C1orf162: variants seen among roughly 807,000 people sequenced by gnomAD.
C1orf162 encodes the protein chromosome 1 open reading frame 162.
A neutral mutation model predicts 11.4 loss-of-function variants in C1orf162; 10 were observed. That is an observed-to-expected ratio of 0.88 (90% CI 0.54 to 1.48). C1orf162 has a LOEUF of 1.48. Ranked by LOEUF, C1orf162 falls within the 40% of genes most tolerant of loss-of-function variation. The pLI, the probability that C1orf162 is intolerant of heterozygous loss-of-function variation, is 0.00. For missense variants in C1orf162, 140 were observed against 149.5 expected, an observed-to-expected ratio of 0.94 and a Z score of 0.33; for synonymous variants, 53 against 55.0, an observed-to-expected ratio of 0.96 and a Z score of 0.16.
chr1:111,477,070 A>G, intron 3 of C1orf162: 1 of 656,454 alleles, frequency 1.5e-6, no homozygotes, highest in Non-Finnish European at 2.6e-6. Flanking sequence ...GGATCCCCTA[A>G]GCTTATAGGT....
Position 111,476,057 on chromosome 1 carries a change from C to T in C1orf162, c.29C>T (p.Pro10Leu). 1 of 1,612,922 alleles carries T rather than the reference C, an allele frequency of 6.2e-7. No individual in the cohort carries two copies. ...GGAGGCAATGGCTCCACATGTAAAC[C>T]CGACACTGGTGAGTTTACGACAGGA... MGGNGSTCK[P>L]DTERQGTLST... Residue 10 changes from proline to leucine, a missense_variant, in exon 2 of 6, where the codon CCC becomes CTC. Pro to Leu is a moderately conservative substitution (Grantham distance 98). Transcript: ENST00000369718.
chr1:111,476,186 A>G (rs973428983), intron 2 of C1orf162, 121 bp downstream of exon 2: 14 of 978,410 alleles, frequency 1.4e-5, no homozygotes, highest in African/African-American at 8.0e-5. Context: ...GAAGAATCCA[A>G]TTTTACCAGG....
Position 111,477,594 on chromosome 1 carries a change from C to T in C1orf162, c.203-132C>T, listed in dbSNP as rs999972601. 1.2e-4 allele frequency: 176 copies of T among 1,474,266 alleles called. 2 individuals carry two copies. The highest frequency in any genetic ancestry group is 1.9e-4 in the Middle Eastern group (1 of 5,142). The allele number at this position is 1,474,266 out of a possible 1,614,324, so 91.3% of individuals were successfully genotyped here. ...GATTCAAATCCCTTCATTTTTCTTCCGCCCTGCCCCCCACCCACCTGCCAA... is the reference window on the plus strand; with the variant it reads ...GATTCAAATCCCTTCATTTTTCTTCTGCCCTGCCCCCCACCCACCTGCCAA... On this transcript the variant is annotated intron_variant, in intron 4 of 5. Coordinates refer to ENST00000369718, the MANE Select transcript of C1orf162 (RefSeq NM_001300834.2).
Position 111,476,725 on chromosome 1 carries a change from C to T in C1orf162, c.38-73C>T, listed in dbSNP as rs988721977. 1.5e-5 allele frequency: 22 copies of T among 1,505,458 alleles called. No individual in the cohort carries two copies. The African/African-American group carries it at 2.9e-4, about 20-fold the overall frequency. The allele number at this position is 1,505,458 out of a possible 1,614,324, so 93.3% of individuals were successfully genotyped here. ...TGGTTGCTTGGGTAGAATGGGGCAC[C>T]TGGGGAAACTTAAGCTGGAAGGGTA... On this transcript the variant is annotated intron_variant, in intron 2 of 5. Coordinates refer to ENST00000369718, the MANE Select transcript of C1orf162 (RefSeq NM_001300834.2).
At chr1:111,477,639 C>A (rs761440825) in intron 4 of C1orf162, 87 bp from the exon 5 acceptor site, 1 of 1,613,016 alleles carries the variant, frequency 6.2e-7, no homozygotes, top group Non-Finnish European at 8.5e-7. Flanking sequence ...CCCACCCCAC[C>A]CTTCACCCAA....
At position 111,476,907 on chromosome 1, in the gene C1orf162, G is replaced by A. The variant is rs1260490245; in HGVS notation, c.107+40G>A. On this transcript the variant is annotated intron_variant, in intron 3 of 5. Transcript: ENST00000369718. ...TCCTATCTGTTTCATCTTGTACCAC[G>A]TGGGATTTGATGTTGTGCTGACAGC... 2.6e-5 allele frequency: 42 copies of A among 1,599,108 alleles called. No homozygotes were observed. The East Asian group carries it at 8.0e-4, about 31-fold the overall frequency.
chr1:111,478,363 G>A lies in C1orf162; in HGVS notation c.*240G>A, dbSNP rs1654069561. 1.7e-6 allele frequency: 1 copy of A among 574,192 alleles called. No homozygotes were observed. The highest frequency in any genetic ancestry group is 3.0e-5 in the East Asian group (1 of 33,078). The allele number at this position is 574,192 out of a possible 1,614,324, so 35.6% of individuals were successfully genotyped here. A position where few individuals can be genotyped will look rare whatever the true frequency, so the allele number is the denominator to read the frequency against. ...AACTGACAGCCTGTGAGCCCCTTGG[G>A]GGCATAGACTGCCTTCCTTGGACCC... On this transcript the variant is annotated 3_prime_UTR_variant, in exon 6 of 6. Coordinates refer to ENST00000369718, the MANE Select transcript of C1orf162 (RefSeq NM_001300834.2).
In C1orf162 at chr1:111,477,211, A is replaced by G. The variant is rs571195633; in HGVS notation, c.108-123A>G. 9.6e-5 allele frequency: 83 copies of G among 864,438 alleles called. No individual in the cohort carries two copies. The South Asian group carries it at 1.1e-3, about 11-fold the overall frequency. 53.5% of individuals were successfully genotyped at this position (864,438 alleles called of 1,614,324 possible). On this transcript the variant is annotated intron_variant, in intron 3 of 5. Coordinates refer to ENST00000369718, the MANE Select transcript of C1orf162 (RefSeq NM_001300834.2). ...GCAAAAGCTGAAAACCACTGGGTGAAAGTTCATTAATCAGTGTGAAAACCA... is the reference window on the plus strand; with the variant it reads ...GCAAAAGCTGAAAACCACTGGGTGAGAGTTCATTAATCAGTGTGAAAACCA...
chr1:111,477,595 G>T, intron 4 of C1orf162, 131 bp from the exon 5 acceptor site: 2 of 1,419,592 alleles, frequency 1.4e-6, no homozygotes, highest in Non-Finnish European at 9.7e-7. Context: ...TTTTTCTTCC[G>T]CCCTGCCCCC....
At chr1:111,476,113 T>C (rs751732549) in intron 2 of C1orf162, 48 bp downstream of exon 2, 2 of 1,567,740 alleles carry the variant, frequency 1.3e-6, no homozygotes, top group Non-Finnish European at 1.8e-6. Flanking sequence ...TGAGTTAAAA[T>C]AACTAGAAAT....
At position 111,478,054 on chromosome 1, in the gene C1orf162, TCA is replaced by T; in HGVS notation, c.326_327del (p.His109LeufsTer3). On this transcript the variant is annotated frameshift_variant, in exon 6 of 6. Coordinates refer to ENST00000369718, the MANE Select transcript of C1orf162 (RefSeq NM_001300834.2). LOFTEE classifies it low-confidence loss of function (END_TRUNC). ...TFKLSEEKSN[H>X]LAENHSADFD... ...TCAAACTCTCAGAAGAAAAGAGCAA[TCA>T]CTTGGCTGAGAACCATTCTGCAGAC... The T allele has an allele frequency of 6.2e-7, 1 of 1,614,094 alleles. No individual in the cohort carries two copies. The highest frequency in any genetic ancestry group is 8.5e-7 in the Non-Finnish European group (1 of 1,179,962).
intron 2 of C1orf162, 72 bp downstream of exon 2, chr1:111,476,137 TGTAATGGAA>T: frequency 6.9e-7 from 1 of 1,452,672 alleles, no homozygotes; most frequent in Admixed American, 1.7e-5. Flanking sequence ...GCTGAAGGGC[TGTAATGGAA>T]AGGCACTAGC....
chr1:111,476,746 G>C, intron 2 of C1orf162, 52 bp from the exon 3 acceptor site: 2 of 1,580,336 alleles, frequency 1.3e-6, no homozygotes, highest in Non-Finnish European at 1.7e-6. Flanking sequence ...TAAGCTGGAA[G>C]GGTATCATGA....
chr1:111,477,824 G>A, intron 5 of C1orf162, 49 bp downstream of exon 5: 2 of 1,608,652 alleles, frequency 1.2e-6, no homozygotes, highest in Non-Finnish European at 1.7e-6. Context: ...ACCGTCATTG[G>A]AATTCCCCTC....
At chr1:111,477,955 C>A in intron 5 of C1orf162, 28 bp from the exon 6 acceptor site, 2 of 1,614,062 alleles carry the variant, frequency 1.2e-6, no homozygotes, top group South Asian at 2.2e-5. Context: ...ACTGGACTCA[C>A]TCATTCCTCC....
chr1:111,475,338 G>A (rs1440582246), intron 1 of C1orf162: 1 of 152,208 alleles, frequency 6.6e-6, no homozygotes, highest in African/African-American at 2.4e-5. Context: ...AAACATTAAT[G>A]AGTAGTAGGA....
chr1:111,476,969 A>G (rs2101771687), intron 3 of C1orf162, 102 bp downstream of exon 3: 1 of 1,248,134 alleles, frequency 8.0e-7, no homozygotes, highest in East Asian at 2.3e-5. Flanking sequence ...ACTGGGGAGA[A>G]AGGACTAGAA....
At chr1:111,476,158 A>G in intron 2 of C1orf162, 93 bp downstream of exon 2, 2 of 1,236,164 alleles carry the variant, frequency 1.6e-6, no homozygotes, top group Admixed American at 1.8e-5. Flanking sequence ...GGCACTAGCT[A>G]GTGCATTTCT....
rs1356496364 is a variant in C1orf162 at position 111,478,009 on chromosome 1, T to TA, written c.280dup (p.Thr94AsnfsTer19). On this transcript the variant is annotated frameshift_variant, in exon 6 of 6. Coordinates refer to ENST00000369718, the MANE Select transcript of C1orf162 (RefSeq NM_001300834.2). LOFTEE classifies it low-confidence loss of function (END_TRUNC). ...TTTCATCCATCCCAGGGGAATCACT[T>TA]ACCTATGCCAGCACAACTTTCAAAC... The TA allele has an allele frequency of 1.9e-6, 3 of 1,614,134 alleles. No homozygotes were observed. In the East Asian group the frequency reaches 6.7e-5, roughly 36 times the overall value.
Sources: gnomAD v4.1 joint callset for allele counts on GRCh38, gnomAD v4.1.1 for gene constraint, MANE v1.5 for transcripts, NCBI Gene and HGNC (gene_info 2026-07-23, HGNC 2026-07-21) for gene names.